Variants in RMDN2 observed in about 807,000 individuals in gnomAD.
RMDN2 encodes the protein regulator of microtubule dynamics protein 2.
RMDN2 carries 61 observed loss-of-function variants against 52.8 expected under a neutral mutation model. The ratio of observed to expected loss-of-function variants is 1.16; its 90% CI spans 0.94 to 1.43. The LOEUF (loss-of-function observed/expected upper bound fraction) is 1.43. Among genes scored for constraint, RMDN2 ranks in the 40% most tolerant of loss-of-function variants. RMDN2 has a pLI of 0.00. For missense variants in RMDN2, 592 were observed against 475.3 expected (o/e 1.25, Z -2.28); for synonymous variants, 180 against 153.1 (o/e 1.18, Z -1.30).
intron 5 of RMDN2, 113 bp from the exon 6 acceptor site, chr2:37,989,428 C>T: frequency 1.4e-6 from 1 of 697,098 alleles, no homozygotes; most frequent in South Asian, 1.7e-5. Flanking sequence ...TATGAATACT[C>T]CTGTTAAATA....
intron 10 of RMDN2, among the ~76,000 whole-genome samples, chr2:38,011,446 C>A (rs77115821): frequency 0.13 from 19,116 of 152,104 alleles, 1,404 homozygotes; most frequent in Non-Finnish European, 0.16. Context: ...ACACTATCAT[C>A]CTCTAAATCA....
downstream of RMDN2, among the ~76,000 whole-genome samples, chr2:38,018,884 G>A (rs544710628): frequency 9.9e-5 from 15 of 152,182 alleles, no homozygotes; most frequent in Admixed American, 4.6e-4. Context: ...GCACATGCAC[G>A]CACACGCACA....
At chr2:38,008,650 C>G (rs1350548904) in intron 10 of RMDN2, among the ~76,000 whole-genome samples, 1 of 152,202 alleles carries the variant, frequency 6.6e-6, no homozygotes. Context: ...TGGGTCTTGA[C>G]TCTTTATCCA....
chr2:37,965,931 T>C (rs1394070366), intron 2 of RMDN2, among the ~76,000 whole-genome samples: 1 of 152,218 alleles, frequency 6.6e-6, no homozygotes, highest in African/African-American at 2.4e-5. Context: ...TTTAAATATA[T>C]CGTCCCACTG....
intron 1 of RMDN2, among the ~76,000 whole-genome samples, chr2:37,928,557 C>G (rs971044392): frequency 6.6e-5 from 10 of 152,172 alleles, no homozygotes; most frequent in African/African-American, 2.4e-4. Context: ...TATCTTAGAA[C>G]AGTGAAGCAA....
Position 37,937,358 on chromosome 2 carries a change from A to G in RMDN2, c.452+7629A>G, listed in dbSNP as rs574619697. ...GCCTTCAGCTTGGTTCTTTTTGCTT[A>G]GGATTGTCTTGGCTATACAGGTTCC... On this transcript the variant is annotated intron_variant, in intron 2 of 10. Coordinates refer to ENST00000354545, the MANE Select transcript of RMDN2 (RefSeq NM_001170791.3). 1.2e-4 allele frequency among the ~76,000 whole-genome samples: 18 copies of G among 152,330 alleles called. No individual in the cohort carries two copies. In the South Asian group the frequency reaches 2.3e-3, roughly 19 times the overall value.
intron 3 of RMDN2, 150 bp from the exon 4 acceptor site, chr2:37,975,062 T>A (rs1210640465): frequency 1.6e-6 from 1 of 633,666 alleles, no homozygotes; most frequent in Non-Finnish European, 2.8e-6. Flanking sequence ...ATTAAAAATG[T>A]TTCACACGAA....
chr2:37,970,181 C>T (rs1363389687), intron 2 of RMDN2, among the ~76,000 whole-genome samples: 3 of 152,112 alleles, frequency 2.0e-5, no homozygotes, highest in Non-Finnish European at 4.4e-5. Flanking sequence ...GATCTTCCTG[C>T]CTCCTGAAGT....
Position 37,981,555 on chromosome 2 carries a change from A to C in RMDN2, c.791+212A>C, listed in dbSNP as rs10203089. Among the ~76,000 whole-genome samples the C allele has an allele frequency of 3.7e-3, 566 of 152,348 alleles. 1 individual carries two copies. The highest frequency in any genetic ancestry group is 0.012 in the African/African-American group (516 of 41,588). ...TATATTTAAGGGAAACTTTTATTGA[A>C]AAATTATTGAATGAATCTACCAAGT... is the stretch of plus-strand genomic sequence containing the variant. On this transcript the variant is annotated intron_variant, in intron 5 of 10. Coordinates refer to ENST00000354545, the MANE Select transcript of RMDN2 (RefSeq NM_001170791.3).
At chr2:37,968,822 G>T (rs1024576628) in intron 2 of RMDN2, among the ~76,000 whole-genome samples, 2 of 152,204 alleles carry the variant, frequency 1.3e-5, no homozygotes, top group Non-Finnish European at 2.9e-5. Context: ...TTTGACATCA[G>T]ATAATCTATG....
chr2:38,056,325 G>A (rs1303943795), intron 10 of RMDN2, among the ~76,000 whole-genome samples: 5 of 152,242 alleles, frequency 3.3e-5, no homozygotes, highest in Middle Eastern at 3.4e-3. Context: ...CAGTCTCTAG[G>A]AGAATTACGT....
intron 2 of RMDN2, among the ~76,000 whole-genome samples, chr2:37,964,271 G>A (rs1670740073): frequency 6.6e-6 from 1 of 152,240 alleles, no homozygotes; most frequent in Non-Finnish European, 1.5e-5. Flanking sequence ...TTCTTTGGTT[G>A]AGTCCGTTGT....
downstream of RMDN2, among the ~76,000 whole-genome samples, chr2:38,020,908 G>C (rs1280521522): frequency 6.6e-6 from 1 of 152,230 alleles, no homozygotes; most frequent in African/African-American, 2.4e-5. Flanking sequence ...CACGGTACGG[G>C]ATTGGCAGGC....
chr2:38,019,416 G>C (rs943103682), downstream of RMDN2, among the ~76,000 whole-genome samples: 1 of 152,312 alleles, frequency 6.6e-6, no homozygotes, highest in South Asian at 2.1e-4. Flanking sequence ...CAATGGACAA[G>C]TTGATATCCG....
At position 38,034,583 on chromosome 2, in the gene RMDN2, A is replaced by G. The variant is rs557542787; in HGVS notation, c.1713+30367A>G. ...ATCTTCAGCATTATCAAAAAGGATT[A>G]AATTGTATTGTGGTAAACAATGATA... On this transcript the variant is annotated intron_variant, in intron 10 of 10. Transcript: ENST00000234195. 7.2e-5 allele frequency among the ~76,000 whole-genome samples: 11 copies of G among 152,136 alleles called. No homozygotes were observed. The East Asian group carries it at 2.1e-3, about 29-fold the overall frequency.
rs12619975 is a variant in RMDN2 at position 37,986,615 on chromosome 2, C to T, written c.792-2926C>T. The stretch of plus-strand genomic sequence containing the variant: ...GAGATTTATTCCTGGTCTGCAAGAC[C>T]AGTTCAACATTTGAAAATCAATTAC... On this transcript the variant is annotated intron_variant, in intron 5 of 10. Coordinates refer to ENST00000354545, the MANE Select transcript of RMDN2 (RefSeq NM_001170791.3). 3.3e-5 allele frequency among the ~76,000 whole-genome samples: 5 copies of T among 152,070 alleles called. No homozygotes were observed. The East Asian group carries it at 9.6e-4, about 29-fold the overall frequency.
chr2:37,933,460 A>G (rs886425177), intron 2 of RMDN2, among the ~76,000 whole-genome samples: 2 of 152,248 alleles, frequency 1.3e-5, no homozygotes, highest in Admixed American at 6.5e-5. Flanking sequence ...AGATCACGCC[A>G]CTGCACCCCA....
At chr2:38,018,603 G>A (rs1019196865), downstream of RMDN2, among the ~76,000 whole-genome samples, 4 of 152,116 alleles carry the variant, frequency 2.6e-5, no homozygotes, top group African/African-American at 9.7e-5. Context: ...GCAAGTACAA[G>A]TCAAAAATAG....
At chr2:38,020,007 A>C (rs1679220975), downstream of RMDN2, among the ~76,000 whole-genome samples, 1 of 152,178 alleles carries the variant, frequency 6.6e-6, no homozygotes, top group Admixed American at 6.5e-5. Context: ...AAATAGCTAA[A>C]AAACCGTGAA....
Sources: allele counts gnomAD v4.1 joint callset (sites outside exome capture counted in the v4.1 genomes callset), GRCh38; gene constraint gnomAD v4.1.1; transcripts MANE v1.5; gene names NCBI Gene and HGNC (gene_info 2026-07-23, HGNC 2026-07-21).